The following TBC1D19 variants were observed in gnomAD, a reference collection of about 807,000 sequenced individuals.
The protein encoded by TBC1D19 is TBC1 domain family, member 19.
A neutral mutation model predicts 89.0 loss-of-function variants in TBC1D19; 60 were observed. The ratio of observed to expected loss-of-function variants is 0.67; its 90% CI spans 0.55 to 0.84. The LOEUF (loss-of-function observed/expected upper bound fraction) is 0.84, where lower values mean the gene tolerates loss of function less well. TBC1D19 is among the 40% of genes least tolerant of loss of function. TBC1D19 has a pLI of 0.00. For missense variants in TBC1D19, 500 were observed against 610.8 expected (o/e 0.82, Z 1.91); for synonymous variants, 189 against 199.7 (o/e 0.95, Z 0.45).
At chr4:26,751,498 G>C (rs1435924608) in intron 19 of TBC1D19, among the ~76,000 whole-genome samples, 1 of 152,152 alleles carries the variant, frequency 6.6e-6, no homozygotes, top group Non-Finnish European at 1.5e-5. Flanking sequence ...AGTTTTCTTT[G>C]ATATTCTTGT....
intron 19 of TBC1D19, among the ~76,000 whole-genome samples, chr4:26,752,098 G>A (rs1366338371): frequency 1.3e-5 from 2 of 152,178 alleles, no homozygotes; most frequent in African/African-American, 2.4e-5. Flanking sequence ...AGTAAAATGG[G>A]CTATTAATAG....
intron 17 of TBC1D19, among the ~76,000 whole-genome samples, chr4:26,741,082 C>T (rs1044460345): frequency 1.5e-4 from 23 of 152,224 alleles, no homozygotes; most frequent in Non-Finnish European, 1.9e-4. Context: ...TCTGGCCGGG[C>T]GTGGTGGCTC....
Position 26,643,431 on chromosome 4 carries a change from G to A in TBC1D19, c.480+3244G>A, listed in dbSNP as rs577809471. ...CTCTGGGACACATTTAAAGCAGTGC[G>A]TAGGGGGAAATTTATAGCACTAAAT... On this transcript the variant is annotated intron_variant, in intron 7 of 20. Coordinates refer to ENST00000264866, the MANE Select transcript of TBC1D19 (RefSeq NM_018317.4). Among the ~76,000 whole-genome samples, 35 of 152,296 alleles carry A rather than the reference G, an allele frequency of 2.3e-4. 1 individual carries two copies. Among genetic ancestry groups the A allele is most frequent in the African/African-American group, 6.5e-4 (27 of 41,568 alleles).
the TBC1D19 span, among the ~76,000 whole-genome samples, chr4:26,838,201 AC>A: frequency 9.2e-5 from 14 of 152,210 alleles, no homozygotes; most frequent in African/African-American, 2.6e-4. Flanking sequence ...AACTTCCGAT[AC>A]CACCTGCATC....
the TBC1D19 span, among the ~76,000 whole-genome samples, chr4:26,783,647 T>A: frequency 6.6e-6 from 1 of 152,220 alleles, no homozygotes; most frequent in African/African-American, 2.4e-5. Context: ...CTCTGAGAAA[T>A]AAAGGGGGTA....
At chr4:26,637,172 G>T in intron 4 of TBC1D19, 39 bp from the exon 5 acceptor site, 2 of 1,402,086 alleles carry the variant, frequency 1.4e-6, no homozygotes, top group Non-Finnish European at 2.0e-6. Flanking sequence ...TTTTAGTATT[G>T]TTACTGGAAA....
At chr4:26,733,634 A>G (rs938913847) in intron 15 of TBC1D19, among the ~76,000 whole-genome samples, 2 of 152,210 alleles carry the variant, frequency 1.3e-5, no homozygotes, top group East Asian at 1.9e-4. Flanking sequence ...CATGTTCAGC[A>G]TTTTTATATT....
At chr4:26,848,125 A>G in the TBC1D19 span, among the ~76,000 whole-genome samples, 1 of 152,342 alleles carries the variant, frequency 6.6e-6, no homozygotes, top group Admixed American at 6.5e-5. Context: ...TTGGTTAAAC[A>G]TTAGCATTGG....
At chr4:26,789,549 A>G in the TBC1D19 span, among the ~76,000 whole-genome samples, 1 of 152,240 alleles carries the variant, frequency 6.6e-6, no homozygotes, top group East Asian at 1.9e-4. Context: ...AAAAAGTCAA[A>G]TATAGCAAAT....
chr4:26,656,004 A>T (rs953268997), intron 7 of TBC1D19, among the ~76,000 whole-genome samples: 2 of 151,756 alleles, frequency 1.3e-5, no homozygotes, highest in African/African-American at 2.4e-5. Flanking sequence ...CTATTTGGCC[A>T]TCTTGGCTCC....
At chr4:26,648,050 C>A (rs1192805096) in intron 7 of TBC1D19, among the ~76,000 whole-genome samples, 1 of 152,116 alleles carries the variant, frequency 6.6e-6, no homozygotes, top group Non-Finnish European at 1.5e-5. Context: ...CACACAGGGT[C>A]AAATAATTGA....
the TBC1D19 span, among the ~76,000 whole-genome samples, chr4:26,769,133 C>T: frequency 1.3e-5 from 2 of 151,942 alleles, no homozygotes; most frequent in South Asian, 2.1e-4. Flanking sequence ...GGCAGTAGAC[C>T]GATGTCTTTA....
At chr4:26,727,978 A>G (rs375246726) in intron 15 of TBC1D19, among the ~76,000 whole-genome samples, 47 of 152,332 alleles carry the variant, frequency 3.1e-4, no homozygotes, top group Middle Eastern at 3.4e-3. Flanking sequence ...TATAGATTTC[A>G]GAACTTGGGG....
intron 9 of TBC1D19, 95 bp from the exon 10 acceptor site, chr4:26,672,054 A>C: frequency 1.7e-6 from 1 of 588,992 alleles, no homozygotes; most frequent in Non-Finnish European, 2.5e-6. Flanking sequence ...AAAAATCATT[A>C]AATGTATCAA....
chr4:26,779,010 A>G, the TBC1D19 span, among the ~76,000 whole-genome samples: 1 of 152,210 alleles, frequency 6.6e-6, no homozygotes, highest in Admixed American at 6.5e-5. Context: ...CAAGTGATCC[A>G]AAGTATAGCC....
chr4:26,652,133 G>A (rs1744435433), intron 7 of TBC1D19, among the ~76,000 whole-genome samples: 1 of 151,840 alleles, frequency 6.6e-6, no homozygotes, highest in Non-Finnish European at 1.5e-5. Flanking sequence ...TCTTGAGGAT[G>A]TTTGCATTGA....
chr4:26,834,656 TCACCCC>T, the TBC1D19 span, among the ~76,000 whole-genome samples: 5 of 152,132 alleles, frequency 3.3e-5, no homozygotes, highest in Admixed American at 3.3e-4. Flanking sequence ...CCAAAACTAC[TCACCCC>T]CAGTCCTTCC....
chr4:26,804,179 T>C, the TBC1D19 span, among the ~76,000 whole-genome samples: 1 of 152,148 alleles, frequency 6.6e-6, no homozygotes, highest in African/African-American at 2.4e-5. Flanking sequence ...GGAGTCTCGC[T>C]CTGTCCCCCA....
chr4:26,678,110 A>G (rs1180920973), intron 11 of TBC1D19, among the ~76,000 whole-genome samples: 1 of 152,160 alleles, frequency 6.6e-6, no homozygotes, highest in African/African-American at 2.4e-5. Flanking sequence ...AAAGTTTGGA[A>G]CTTCCTAGAG....
Sources: allele counts gnomAD v4.1 joint callset (sites outside exome capture counted in the v4.1 genomes callset), GRCh38; gene constraint gnomAD v4.1.1; transcripts MANE v1.5; gene names NCBI Gene and HGNC (gene_info 2026-07-23, HGNC 2026-07-21).